SIK2: variants seen among roughly 807,000 people sequenced by gnomAD.
The protein encoded by SIK2 is salt inducible kinase 2.
SIK2 carries 29 observed loss-of-function variants against 103.2 expected under a neutral mutation model. The observed-to-expected ratio is 0.28, with a 90% CI of 0.21 to 0.38. SIK2 has a LOEUF of 0.38. Among genes scored for constraint, SIK2 ranks in the 10% least tolerant of loss-of-function variants. SIK2 has a pLI of 1.00. For missense variants in SIK2, 879 were observed against 1,171.0 expected, an observed-to-expected ratio of 0.75 and a Z score of 3.64; for synonymous variants, 412 against 446.1, an observed-to-expected ratio of 0.92 and a Z score of 0.96.
chr11:111,702,742 T>A (rs1188722798), intron 6 of SIK2, among the ~76,000 whole-genome samples: 1 of 152,178 alleles, frequency 6.6e-6, no homozygotes, highest in Non-Finnish European at 1.5e-5. Flanking sequence ...CAGAAGTAAG[T>A]AATATTTTAT....
chr11:111,712,283 C>G lies in SIK2; in HGVS notation c.1174C>G (p.Gln392Glu), dbSNP rs1399532433. ...MRLLRSALLPQASNVEAFSFP... is the reference protein window; with the variant it reads ...MRLLRSALLPEASNVEAFSFP... ...GCTGCTGCGATCTGCCCTCCTCCCC[C>G]AGGCATCCAACGTGGAGGCCTTTTC... The change falls in exon 9 of 15, where the codon CAG (glutamine) becomes GAG (glutamate). Residue 392 changes from glutamine (Q) to glutamate (E), a missense_variant. Coordinates refer to ENST00000304987, the MANE Select transcript of SIK2 (RefSeq NM_015191.3). 1 of 1,614,256 alleles carries G rather than the reference C, an allele frequency of 6.2e-7. No individual in the cohort carries two copies. The highest frequency in any genetic ancestry group is 8.5e-7 in the Non-Finnish European group (1 of 1,180,038).
intron 1 of SIK2, among the ~76,000 whole-genome samples, chr11:111,609,439 A>G: frequency 6.6e-6 from 1 of 152,080 alleles, no homozygotes; most frequent in East Asian, 1.9e-4. Context: ...TTCCCACTTC[A>G]GCCTTCCAAG....
At chr11:111,641,974 C>T (rs1394438272) in intron 3 of SIK2, among the ~76,000 whole-genome samples, 1 of 150,646 alleles carries the variant, frequency 6.6e-6, no homozygotes, top group Non-Finnish European at 1.5e-5. Context: ...ACTAAAATTT[C>T]TGGTACTACA....
intron 1 of SIK2, among the ~76,000 whole-genome samples, chr11:111,614,191 C>T (rs574188952): frequency 8.6e-5 from 13 of 151,668 alleles, no homozygotes; most frequent in South Asian, 8.3e-4. Flanking sequence ...AAGCGATTCT[C>T]CTGCCTCAGT....
rs1344279056 is a variant in SIK2 at position 111,729,507 on chromosome 11, C to G, written c.*5378C>G. The G allele has an allele frequency of 6.6e-6, 1 of 152,278 alleles. No individual in the cohort carries two copies. The highest frequency in any genetic ancestry group is 1.9e-4 in the East Asian group (1 of 5,200). 9.4% of individuals were successfully genotyped at this position (152,278 alleles called of 1,614,324 possible). A position where few individuals can be genotyped will look rare whatever the true frequency, so the allele number is the denominator to read the frequency against. ...AACCAAAGCTTTGGGAAGTTTGTGA[C>G]TTCTCTGAGATCACAGCTGGTGATA... On this transcript the variant is annotated 3_prime_UTR_variant, in exon 15 of 15. Transcript: ENST00000304987.
chr11:111,613,051 T>C (rs1941751288), intron 1 of SIK2, among the ~76,000 whole-genome samples: 1 of 151,582 alleles, frequency 6.6e-6, no homozygotes, highest in African/African-American at 2.4e-5. Flanking sequence ...TTAAATGAGA[T>C]TTATAATTTT....
Position 111,688,666 on chromosome 11 carries a change from G to C in SIK2, c.478+504G>C, listed in dbSNP as rs561224876. Among the ~76,000 whole-genome samples the C allele has an allele frequency of 3.3e-5, 5 of 152,192 alleles. No individual in the cohort carries two copies. Among genetic ancestry groups the C allele is most frequent in the Non-Finnish European group, 7.3e-5 (5 of 68,036 alleles). On this transcript the variant is annotated intron_variant, in intron 4 of 14. Coordinates refer to ENST00000304987, the MANE Select transcript of SIK2 (RefSeq NM_015191.3). The surrounding 1 kb of genome is among the most constrained non-coding windows in gnomAD (Gnocchi z 4.2). Reference sequence around the variant, plus strand: ...TATAACATGAAAATTAAGTTGGGTAGAGATTAGTTTGCCTGTTTTTCTCCT... The same window carrying C: ...TATAACATGAAAATTAAGTTGGGTACAGATTAGTTTGCCTGTTTTTCTCCT...
chr11:111,701,327 A>T lies in SIK2; in HGVS notation c.604-125A>T. 4.6e-6 allele frequency: 6 copies of T among 1,307,884 alleles called. No individual in the cohort carries two copies. Among genetic ancestry groups the T allele is most frequent in the Non-Finnish European group, 6.2e-6 (6 of 971,548 alleles). The allele number at this position is 1,307,884 out of a possible 1,614,324, so 81.0% of individuals were successfully genotyped here. A position where few individuals can be genotyped will look rare whatever the true frequency, so the allele number is the denominator to read the frequency against. Reference sequence around the variant, plus strand: ...TTTTGGATTTTTTTCAAATTCTGAGAAAATAATAAATCCAGACAGGAATTT... The same window carrying T: ...TTTTGGATTTTTTTCAAATTCTGAGTAAATAATAAATCCAGACAGGAATTT... On this transcript the variant is annotated intron_variant, in intron 5 of 14. Transcript: ENST00000304987. The surrounding 1 kb of genome is among the most constrained non-coding windows in gnomAD (Gnocchi z 4.2).
chr11:111,722,504 G>A lies in SIK2; in HGVS notation c.2056-161G>A, dbSNP rs1333847495. 6.6e-6 allele frequency among the ~76,000 whole-genome samples: 1 copy of A among 152,244 alleles called. No homozygotes were observed. The highest frequency in any genetic ancestry group is 2.4e-5 in the African/African-American group (1 of 41,470). On this transcript the variant is annotated intron_variant, in intron 13 of 14. Transcript: ENST00000304987. The surrounding 1 kb of genome is among the most constrained non-coding windows in gnomAD (Gnocchi z 4.4). ...AGAGATGGCCCAGGCCTGCGGGCCC[G>A]ATGCTCTTTCAGGGTCTCAGGGAGT...
In SIK2 at chr11:111,724,235, G is replaced by A. The variant is rs1010187039; in HGVS notation, c.*106G>A. On this transcript the variant is annotated 3_prime_UTR_variant, in exon 15 of 15. Coordinates refer to ENST00000304987, the MANE Select transcript of SIK2 (RefSeq NM_015191.3). Reference sequence around the variant, plus strand: ...CTTATTTTCTTGCCCTCTCCCTAACGGGGAGAAATCGAGCCACCCAACTGG... The same window carrying A: ...CTTATTTTCTTGCCCTCTCCCTAACAGGGAGAAATCGAGCCACCCAACTGG... The A allele has an allele frequency of 2.8e-5, 40 of 1,427,288 alleles. No homozygotes were observed. Among genetic ancestry groups the A allele is most frequent in the Middle Eastern group, 2.4e-4 (1 of 4,244 alleles). The allele number at this position is 1,427,288 out of a possible 1,614,324, so 88.4% of individuals were successfully genotyped here.
At chr11:111,661,980 C>T (rs1942473608) in intron 3 of SIK2, among the ~76,000 whole-genome samples, 1 of 152,178 alleles carries the variant, frequency 6.6e-6, no homozygotes, top group South Asian at 2.1e-4. Context: ...TAATAAATAA[C>T]TCAAATTTCT....
intron 1 of SIK2, among the ~76,000 whole-genome samples, chr11:111,603,557 T>C (rs2135825540): frequency 2.0e-5 from 3 of 152,262 alleles, no homozygotes; most frequent in Middle Eastern, 6.8e-3. Context: ...CACATTCTAA[T>C]GCACCGCACA....
intron 14 of SIK2, among the ~76,000 whole-genome samples, chr11:111,723,214 C>G (rs1943858372): frequency 6.6e-6 from 1 of 152,188 alleles, no homozygotes; most frequent in South Asian, 2.1e-4. Flanking sequence ...CTAGCCTCTC[C>G]AGAAGGGAAA....
At chr11:111,665,571 C>T (rs1318879063) in intron 3 of SIK2, among the ~76,000 whole-genome samples, 1 of 151,944 alleles carries the variant, frequency 6.6e-6, no homozygotes, top group African/African-American at 2.4e-5. Context: ...CGCCTGTAAT[C>T]CCATCACTTT....
At chr11:111,612,936 A>G (rs78598868) in intron 1 of SIK2, among the ~76,000 whole-genome samples, 1 of 83,370 alleles carries the variant, frequency 1.2e-5, no homozygotes, top group Non-Finnish European at 3.0e-5. Context: ...ATATATATAT[A>G]TATATATATA....
Position 111,726,968 on chromosome 11 carries a change from G to C in SIK2, c.*2839G>C. 1 of 1,613,570 alleles carries C rather than the reference G, an allele frequency of 6.2e-7. No homozygotes were observed. The highest frequency in any genetic ancestry group is 1.3e-5 in the African/African-American group (1 of 75,024). ...TTCTTTTTTTAAATCTGGGGTATTA[G>C]TCTGTGCTTTGGGAGAAATGCACTA... On this transcript the variant is annotated 3_prime_UTR_variant, in exon 15 of 15. Transcript: ENST00000304987.
intron 9 of SIK2, among the ~76,000 whole-genome samples, chr11:111,714,320 A>G (rs1177007005): frequency 6.6e-6 from 1 of 152,256 alleles, no homozygotes; most frequent in Non-Finnish European, 1.5e-5. Flanking sequence ...TCCCTAAGCG[A>G]GTGCTTTCAA....
At chr11:111,684,073 CATT>C (rs1457698869) in intron 3 of SIK2, among the ~76,000 whole-genome samples, 2 of 152,012 alleles carry the variant, frequency 1.3e-5, no homozygotes, top group Non-Finnish European at 2.9e-5. Flanking sequence ...GAATTTAGAC[CATT>C]TTTCTCACAC....
intron 3 of SIK2, among the ~76,000 whole-genome samples, chr11:111,647,482 G>A (rs911968924): frequency 3.3e-5 from 5 of 149,506 alleles, no homozygotes; most frequent in Non-Finnish European, 5.9e-5. Context: ...AATACGCCAG[G>A]CATGTTGGCA....
Sources: allele counts gnomAD v4.1 joint callset (sites outside exome capture counted in the v4.1 genomes callset), GRCh38; gene constraint gnomAD v4.1.1; non-coding constraint Gnocchi (gnomAD v3.1); transcripts MANE v1.5; gene names NCBI Gene and HGNC (gene_info 2026-07-23, HGNC 2026-07-21).